The following CSMD1 variants were observed in gnomAD, a reference collection of about 807,000 sequenced individuals.
CSMD1 encodes CUB and Sushi multiple domains 1, also known as CUB and sushi domain-containing protein 1.
Under a neutral mutation model 417.5 loss-of-function variants are expected in CSMD1, and 213 were observed. The observed-to-expected ratio is 0.51, with a 90% CI of 0.46 to 0.57. The LOEUF (loss-of-function observed/expected upper bound fraction) is 0.57. CSMD1 is among the 20% of genes least tolerant of loss of function. The pLI is 0.00. For synonymous variants in CSMD1, 2,862 were observed against 1,736.8 expected, an observed-to-expected ratio of 1.65 and a Z score of -16.11; for missense variants, 6,923 against 4,529.7, an observed-to-expected ratio of 1.53 and a Z score of -15.17.
Position 4,402,582 on chromosome 8 carries a change from G to C in CSMD1, c.415+17371C>G, listed in dbSNP as rs13254643. On this transcript the variant is annotated intron_variant, in intron 3 of 69. Coordinates refer to ENST00000635120, the MANE Select transcript of CSMD1 (RefSeq NM_033225.6). ...CCACTCTTGAAGGGAGACTTTTATA[G>C]AAGATGCTTTGAATATTACATTACT... is the stretch of plus-strand genomic sequence containing the variant. Among the ~76,000 whole-genome samples the C allele has an allele frequency of 8.4e-3, 1,273 of 152,162 alleles. 5 individuals carry two copies. The highest frequency in any genetic ancestry group is 0.014 in the Middle Eastern group (4 of 294).
chr8:4,360,398 C>G (rs1044145097), intron 3 of CSMD1, among the ~76,000 whole-genome samples: 1 of 152,194 alleles, frequency 6.6e-6, no homozygotes, highest in South Asian at 2.1e-4. Context: ...CAAACTCCAT[C>G]TATAAAACAG....
intron 3 of CSMD1, among the ~76,000 whole-genome samples, chr8:4,178,597 A>T (rs956967887): frequency 1.3e-5 from 2 of 151,626 alleles, no homozygotes; most frequent in African/African-American, 4.9e-5. Context: ...TAGGCAGGAG[A>T]AGGAAATAAA....
At chr8:3,255,528 T>A (rs903804267) in intron 26 of CSMD1, among the ~76,000 whole-genome samples, 5 of 152,160 alleles carry the variant, frequency 3.3e-5, no homozygotes, top group African/African-American at 1.2e-4. Flanking sequence ...AGTTCGAGCT[T>A]CCCACCTGCT....
chr8:4,730,970 T>C (rs550275023), intron 1 of CSMD1, among the ~76,000 whole-genome samples: 1 of 152,224 alleles, frequency 6.6e-6, no homozygotes, highest in South Asian at 2.1e-4. Context: ...GTGATTTTAC[T>C]CATTTAGGAA....
At chr8:3,329,700 C>T (rs1047113410) in intron 23 of CSMD1, among the ~76,000 whole-genome samples, 5 of 152,210 alleles carry the variant, frequency 3.3e-5, no homozygotes, top group East Asian at 3.9e-4. Flanking sequence ...GCCCCGGGGC[C>T]GCATGGGCCT....
intron 3 of CSMD1, among the ~76,000 whole-genome samples, chr8:4,353,912 T>G (rs1214057537): frequency 6.6e-6 from 1 of 152,198 alleles, no homozygotes; most frequent in East Asian, 1.9e-4. Context: ...CAAGCTGTTT[T>G]TACACAATGT....
At chr8:3,967,898 T>G (rs1379706459) in intron 5 of CSMD1, among the ~76,000 whole-genome samples, 3 of 150,388 alleles carry the variant, frequency 2.0e-5, no homozygotes, top group African/African-American at 7.4e-5. Context: ...CCGGGCGCAG[T>G]GGCTCACACG....
chr8:4,438,912 C>G (rs1399259340), intron 2 of CSMD1, among the ~76,000 whole-genome samples: 1 of 152,162 alleles, frequency 6.6e-6, no homozygotes, highest in Non-Finnish European at 1.5e-5. Context: ...TTTAAGTATG[C>G]ATAAGTAACA....
intron 1 of CSMD1, among the ~76,000 whole-genome samples, chr8:4,826,940 C>A (rs1799866234): frequency 6.6e-6 from 1 of 152,050 alleles, no homozygotes; most frequent in Non-Finnish European, 1.5e-5. Context: ...TACTACTCAC[C>A]CTTGAGTGTA....
chr8:3,743,297 G>A (rs536235160), intron 6 of CSMD1, among the ~76,000 whole-genome samples: 4 of 152,302 alleles, frequency 2.6e-5, no homozygotes, highest in African/African-American at 9.6e-5. Context: ...CTGCCTCTCT[G>A]GAGATGGCTT....
chr8:4,618,013 C>A (rs1585338818), intron 2 of CSMD1, among the ~76,000 whole-genome samples: 1 of 152,080 alleles, frequency 6.6e-6, no homozygotes, highest in South Asian at 2.1e-4. Context: ...TTCTCTTGGC[C>A]AGTTTTACTT....
intron 5 of CSMD1, among the ~76,000 whole-genome samples, chr8:3,865,564 G>C (rs954816674): frequency 1.3e-5 from 2 of 152,022 alleles, no homozygotes; most frequent in Non-Finnish European, 2.9e-5. Flanking sequence ...ACGTACAGTG[G>C]GAAGCCGCAG....
intron 4 of CSMD1, among the ~76,000 whole-genome samples, chr8:4,030,014 C>T (rs149544452): frequency 6.6e-6 from 1 of 152,166 alleles, no homozygotes; most frequent in Admixed American, 6.5e-5. Context: ...CATGCTGATG[C>T]AAGAGGTGAG....
At chr8:2,999,096 T>G (rs1024861372) in intron 53 of CSMD1, among the ~76,000 whole-genome samples, 1 of 152,112 alleles carries the variant, frequency 6.6e-6, no homozygotes, top group African/African-American at 2.4e-5. Context: ...TCGCTGAAGT[T>G]ATACAGCTCA....
At chr8:3,224,414 G>T (rs56129751) in intron 27 of CSMD1, among the ~76,000 whole-genome samples, 1 of 152,008 alleles carries the variant, frequency 6.6e-6, no homozygotes, top group African/African-American at 2.4e-5. Flanking sequence ...CTGAACAAGT[G>T]TTCAGGAAAT....
At chr8:4,744,604 A>G (rs190241669) in intron 1 of CSMD1, among the ~76,000 whole-genome samples, 2 of 152,314 alleles carry the variant, frequency 1.3e-5, no homozygotes, top group African/African-American at 2.4e-5. Flanking sequence ...GTGGTAGCAA[A>G]AATTAGCCAT....
chr8:2,952,004 A>G (rs1431041014), intron 65 of CSMD1, among the ~76,000 whole-genome samples: 1 of 152,210 alleles, frequency 6.6e-6, no homozygotes, highest in Non-Finnish European at 1.5e-5. Flanking sequence ...AACTTAACAA[A>G]GATTATTGAG....
chr8:3,452,256 C>G (rs1404618753), intron 12 of CSMD1, among the ~76,000 whole-genome samples: 1 of 152,144 alleles, frequency 6.6e-6, no homozygotes, highest in Admixed American at 6.5e-5. Context: ...ATCATGTCAT[C>G]TGGAAAAAGG....
intron 49 of CSMD1, among the ~76,000 whole-genome samples, chr8:3,054,372 C>T (rs932394477): frequency 6.6e-6 from 1 of 152,172 alleles, no homozygotes; most frequent in Non-Finnish European, 1.5e-5. Context: ...AATCCCAGCA[C>T]TTTGGGAGGC....
Sources: allele counts gnomAD v4.1 joint callset (sites outside exome capture counted in the v4.1 genomes callset), GRCh38; gene constraint gnomAD v4.1.1; transcripts MANE v1.5; gene names NCBI Gene and HGNC (gene_info 2026-07-23, HGNC 2026-07-21).